YES1: variants seen among roughly 807,000 people sequenced by gnomAD.
YES1 encodes the protein YES proto-oncogene 1, Src family tyrosine kinase.
Under a neutral mutation model 70.4 loss-of-function variants are expected in YES1, and 39 were observed. The observed-to-expected ratio is 0.55, with a 90% CI of 0.43 to 0.72. YES1 has a LOEUF of 0.72. Ranked by LOEUF, YES1 falls within the 30% of genes least tolerant of loss-of-function variation. The probability of loss-of-function intolerance (pLI) is 0.00; values close to 1 mark genes in which losing one functional copy is unlikely to be tolerated. For synonymous variants in YES1, 198 were observed against 218.6 expected (o/e 0.91, Z 0.83); for missense variants, 495 against 644.8 (o/e 0.77, Z 2.52).
intron 1 of YES1, among the ~76,000 whole-genome samples, chr18:777,613 C>T (rs372238764): frequency 6.6e-6 from 1 of 151,786 alleles, no homozygotes; most frequent in South Asian, 2.1e-4. Flanking sequence ...TCAAGACCGG[C>T]CTGGCCAACA....
At chr18:736,765 A>C (rs1354665468) in intron 10 of YES1, 43 bp downstream of exon 10, 1 of 1,590,070 alleles carries the variant, frequency 6.3e-7, no homozygotes, top group African/African-American at 1.3e-5. Context: ...AGTTAAGCAA[A>C]ACACACAACA....
intron 9 of YES1, chr18:739,372 G>C (rs1348099119): frequency 1.2e-5 from 2 of 161,246 alleles, no homozygotes; most frequent in African/African-American, 4.8e-5. Flanking sequence ...GAGGTGGGAG[G>C]ATCCTTTGAG....
chr18:777,885 A>G (rs912082424), intron 1 of YES1, among the ~76,000 whole-genome samples: 2 of 152,144 alleles, frequency 1.3e-5, no homozygotes, highest in Admixed American at 6.6e-5. Flanking sequence ...TAGTAAAGCT[A>G]TAACAAATTT....
intron 1 of YES1, among the ~76,000 whole-genome samples, chr18:767,103 C>T (rs533406141): frequency 1.3e-5 from 2 of 151,638 alleles, no homozygotes; most frequent in Non-Finnish European, 2.9e-5. Context: ...GTAAGTCAGG[C>T]CTATCAAGCC....
intron 1 of YES1, among the ~76,000 whole-genome samples, chr18:801,811 GTTTC>G (rs1441758499): frequency 6.6e-6 from 1 of 152,082 alleles, no homozygotes; most frequent in Admixed American, 6.6e-5. Flanking sequence ...TCTTTTGCAT[GTTTC>G]TTTATTCTTT....
At chr18:731,897 G>A (rs973750381) in intron 11 of YES1, among the ~76,000 whole-genome samples, 11 of 149,376 alleles carry the variant, frequency 7.4e-5, no homozygotes, top group African/African-American at 2.7e-4. Context: ...AAGCTGGGAG[G>A]TGGAGGCTGC....
At chr18:742,521 A>C (rs1450121174) in intron 8 of YES1, among the ~76,000 whole-genome samples, 3 of 151,708 alleles carry the variant, frequency 2.0e-5, no homozygotes, top group Non-Finnish European at 4.4e-5. Flanking sequence ...GAATATAGGA[A>C]TTATGTTTAT....
At position 756,753 on chromosome 18, in the gene YES1, G is replaced by A; in HGVS notation, c.75C>T (p.Val25=). 1.2e-6 allele frequency: 2 copies of A among 1,614,206 alleles called. No homozygotes were observed. The highest frequency in any genetic ancestry group is 1.1e-5 in the South Asian group (1 of 91,088). The change falls in exon 2 of 12, where the codon GTC becomes GTT. Residue 25 remains valine, a synonymous_variant. Transcript: ENST00000314574. ...KYRPENTPEP[V]STSVSHYGAE... ...CTCCATAATGGCTCACACTTGTACT[G>A]ACAGGCTCTGGAGTATTTTCAGGTC...
chr18:733,716 G>A (rs912270604), intron 10 of YES1, among the ~76,000 whole-genome samples: 1 of 146,020 alleles, frequency 6.8e-6, no homozygotes, highest in Non-Finnish European at 1.5e-5. Flanking sequence ...CCAGGAGGCG[G>A]AGCTTGCAGT....
intron 1 of YES1, among the ~76,000 whole-genome samples, chr18:765,480 C>G (rs1177456533): frequency 2.0e-5 from 3 of 147,898 alleles, no homozygotes; most frequent in South Asian, 2.1e-4. Flanking sequence ...CTCAGTGCAA[C>G]CTCCCGCTCC....
chr18:739,913 T>A, intron 8 of YES1, 102 bp from the exon 9 acceptor site: 8 of 819,568 alleles, frequency 9.8e-6, no homozygotes, highest in Non-Finnish European at 1.4e-5. Flanking sequence ...ACTTCTTAGC[T>A]TTTCATTTTT....
intron 1 of YES1, among the ~76,000 whole-genome samples, chr18:770,459 T>C (rs1009366422): frequency 2.6e-5 from 4 of 152,128 alleles, no homozygotes; most frequent in African/African-American, 7.2e-5. Context: ...ACTCCATGTA[T>C]GTTCATTCTA....
At chr18:761,127 G>A (rs11662461) in intron 1 of YES1, among the ~76,000 whole-genome samples, 68,329 of 151,572 alleles carry the variant, frequency 0.45, 15,674 homozygotes, top group African/African-American at 0.54. Context: ...TAAGCCTGAA[G>A]GCAAAATTGT....
intron 1 of YES1, among the ~76,000 whole-genome samples, chr18:780,036 C>T (rs1905579532): frequency 6.6e-6 from 1 of 151,772 alleles, no homozygotes; most frequent in Non-Finnish European, 1.5e-5. Flanking sequence ...GAGTTCGAAA[C>T]CAGCCTGGCC....
chr18:728,322 C>CAAAAAA (rs34970099), intron 11 of YES1, among the ~76,000 whole-genome samples: 3 of 145,666 alleles, frequency 2.1e-5, no homozygotes, highest in Admixed American at 6.8e-5. Context: ...GACCCTGTCT[C>CAAAAAA]AAAAAAAAAA....
chr18:770,310 T>G (rs1404276943), intron 1 of YES1, among the ~76,000 whole-genome samples: 1 of 151,656 alleles, frequency 6.6e-6, no homozygotes, highest in Non-Finnish European at 1.5e-5. Flanking sequence ...TTGGTATTAT[T>G]TCGTCCTTCA....
chr18:728,806 G>C lies in YES1; in HGVS notation c.1423+4028C>G, dbSNP rs576887314. On this transcript the variant is annotated intron_variant, in intron 11 of 11. Coordinates refer to ENST00000314574, the MANE Select transcript of YES1 (RefSeq NM_005433.4). Reference sequence around the variant, plus strand: ...CCCAAAGTACTGGGATTACAGGCCTGAGCCACTGCGCCCAGCTGCATTTCG... The same window carrying C: ...CCCAAAGTACTGGGATTACAGGCCTCAGCCACTGCGCCCAGCTGCATTTCG... Among the ~76,000 whole-genome samples the C allele has an allele frequency of 4.6e-5, 7 of 152,324 alleles. No homozygotes were observed. In the South Asian group the frequency reaches 1.2e-3, roughly 27 times the overall value.
At chr18:811,660 C>A (rs995772123) in intron 1 of YES1, among the ~76,000 whole-genome samples, 2 of 152,244 alleles carry the variant, frequency 1.3e-5, no homozygotes, top group African/African-American at 4.8e-5. Flanking sequence ...GCCCCACACA[C>A]CCGCTCCTCT....
At chr18:796,214 G>A (rs1182599942) in intron 1 of YES1, among the ~76,000 whole-genome samples, 5 of 152,152 alleles carry the variant, frequency 3.3e-5, no homozygotes, top group African/African-American at 9.7e-5. Flanking sequence ...ATGGTTAAGG[G>A]TATAGGCTCT....
Sources: allele counts gnomAD v4.1 joint callset (sites outside exome capture counted in the v4.1 genomes callset), GRCh38; gene constraint gnomAD v4.1.1; transcripts MANE v1.5; gene names NCBI Gene and HGNC (gene_info 2026-07-23, HGNC 2026-07-21).